Variants in ATXN10 observed in about 807,000 individuals in gnomAD.
The protein encoded by ATXN10 is ataxin 10.
In ATXN10, 28 loss-of-function variants were observed where a neutral mutation model predicts 52.9. That is an observed-to-expected ratio of 0.53 (90% confidence interval 0.39 to 0.73). The LOEUF is 0.73. ATXN10 is among the 30% of genes least tolerant of loss of function. ATXN10 has a pLI of 0.00. For synonymous variants in ATXN10, 226 were observed against 221.5 expected (o/e 1.02, Z -0.18); for missense variants, 565 against 577.0 (o/e 0.98, Z 0.21).
chr22:45,776,293 T>TA (rs1478273647), intron 9 of ATXN10, among the ~76,000 whole-genome samples: 14 of 152,220 alleles, frequency 9.2e-5, no homozygotes, highest in African/African-American at 3.4e-4. Flanking sequence ...AATCTTTTGA[T>TA]AGCACTTTCC....
chr22:45,795,123 C>CTA lies in ATXN10; in HGVS notation c.1174-11835_1174-11834dup, dbSNP rs1927662531. The stretch of plus-strand genomic sequence containing the variant: ...CTGCAACAAGGTAAAGATGTATACT[C>CTA]TAAACTCCAGTGCAACCACTTTTAG... On this transcript the variant is annotated intron_variant, in intron 9 of 11. Coordinates refer to ENST00000252934, the MANE Select transcript of ATXN10 (RefSeq NM_013236.4). The surrounding 1 kb of genome is among the most constrained non-coding windows in gnomAD (Gnocchi z 4.6). 6.6e-6 allele frequency among the ~76,000 whole-genome samples: 1 copy of CTA among 152,086 alleles called. No homozygotes were observed. The highest frequency in any genetic ancestry group is 2.4e-5 in the African/African-American group (1 of 41,388).
chr22:45,753,344 C>T (rs528316927), intron 9 of ATXN10, among the ~76,000 whole-genome samples: 33 of 131,168 alleles, frequency 2.5e-4, no homozygotes, highest in African/African-American at 8.9e-4. Flanking sequence ...TTCATCTCCT[C>T]GGGTCCTAGA....
rs1925126668 is a variant in ATXN10, at chr22:45,732,491, T to C, written c.894+2901T>C. On this transcript the variant is annotated intron_variant, in intron 7 of 11. Transcript: ENST00000252934. The surrounding 1 kb of genome is among the most constrained non-coding windows in gnomAD (Gnocchi z 4.5). ...AGAAAAAATTGTAGGCAGTTTTCTT[T>C]TGCAAAGCCAAATTAATTTACTTTT... 6.6e-6 allele frequency among the ~76,000 whole-genome samples: 1 copy of C among 151,980 alleles called. No homozygotes were observed. The highest frequency in any genetic ancestry group is 1.5e-5 in the Non-Finnish European group (1 of 68,004).
intron 9 of ATXN10, among the ~76,000 whole-genome samples, chr22:45,801,001 C>A (rs136012): frequency 0.81 from 123,729 of 152,180 alleles, 50,394 homozygotes; most frequent in Middle Eastern, 0.87. Context: ...TTGGCAGTTT[C>A]TGTAAATTAT....
chr22:45,779,355 C>G (rs1927067539), intron 9 of ATXN10, among the ~76,000 whole-genome samples: 1 of 152,188 alleles, frequency 6.6e-6, no homozygotes, highest in Admixed American at 6.5e-5. Flanking sequence ...TCACTGAAGG[C>G]ACTTTCCAGT....
intron 7 of ATXN10, 97 bp from the exon 8 acceptor site, chr22:45,738,634 A>G: frequency 1.9e-6 from 2 of 1,079,538 alleles, no homozygotes; most frequent in Non-Finnish European, 2.7e-6. Flanking sequence ...AGACTCTTTA[A>G]ATTTATTGAA....
chr22:45,682,241 T>A (rs1922952542), intron 1 of ATXN10, among the ~76,000 whole-genome samples: 1 of 152,204 alleles, frequency 6.6e-6, no homozygotes, highest in African/African-American at 2.4e-5. Flanking sequence ...ATATTTACTT[T>A]CAGAGTATTC....
intron 10 of ATXN10, among the ~76,000 whole-genome samples, chr22:45,831,114 C>T (rs556581185): frequency 2.0e-5 from 3 of 152,214 alleles, no homozygotes; most frequent in South Asian, 2.1e-4. Flanking sequence ...CCAGTCATAC[C>T]GTGTCAGCTT....
In ATXN10 at chr22:45,828,979, C is replaced by T. The variant is rs1928903933; in HGVS notation, c.1238-14012C>T. Among the ~76,000 whole-genome samples, 1 of 152,144 alleles carries T rather than the reference C, an allele frequency of 6.6e-6. No homozygotes were observed. The highest frequency in any genetic ancestry group is 1.5e-5 in the Non-Finnish European group (1 of 67,990). The stretch of plus-strand genomic sequence containing the variant: ...TACAAGAAAACTAAAGACCAACATC[C>T]TTTATGAACATGAATTTAACAGCAT... On this transcript the variant is annotated intron_variant, in intron 10 of 11. Transcript: ENST00000252934. This position sits in a 1 kb window ranked among gnomAD's most constrained non-coding sequence, Gnocchi z 4.5.
chr22:45,832,874 C>T (rs764212713), intron 10 of ATXN10, among the ~76,000 whole-genome samples: 1 of 152,162 alleles, frequency 6.6e-6, no homozygotes, highest in South Asian at 2.1e-4. Flanking sequence ...TAGAGAGATA[C>T]GCGTCAAGGG....
chr22:45,719,749 C>T (rs1325080402), intron 6 of ATXN10, among the ~76,000 whole-genome samples: 1 of 152,024 alleles, frequency 6.6e-6, no homozygotes, highest in Non-Finnish European at 1.5e-5. Flanking sequence ...CAGGTGCATC[C>T]TTACTTCATT....
In ATXN10 at chr22:45,693,001, T is replaced by C; in HGVS notation, c.314T>C (p.Leu105Ser). The C allele has an allele frequency of 6.2e-7, 1 of 1,614,074 alleles. No homozygotes were observed. ...CSVNQNSIRNLDTIGVAVDLI... is the reference protein window; with the variant it reads ...CSVNQNSIRNSDTIGVAVDLI... ...GTCTTTTTTAAAAAACCCAGGAACTTGGATACGATTGGTGTTGCTGTTGAT... is the reference window on the plus strand; with the variant it reads ...GTCTTTTTTAAAAAACCCAGGAACTCGGATACGATTGGTGTTGCTGTTGAT... Residue 105 changes from leucine to serine, a missense_variant, in exon 3 of 12, where the codon TTG (leucine) becomes TCG (serine). Coordinates refer to ENST00000252934, the MANE Select transcript of ATXN10 (RefSeq NM_013236.4).
chr22:45,703,540 C>T (rs539279389), intron 5 of ATXN10, among the ~76,000 whole-genome samples: 7 of 152,204 alleles, frequency 4.6e-5, no homozygotes, highest in African/African-American at 1.2e-4. Context: ...ATGTTTTAGG[C>T]GCACACACAG....
At chr22:45,740,258 C>T (rs1925457438) in intron 8 of ATXN10, 111 bp from the exon 9 acceptor site, 16 of 1,026,486 alleles carry the variant, frequency 1.6e-5, no homozygotes, top group Admixed American at 2.0e-5. Flanking sequence ...GCTTTCTGTG[C>T]TCTACCTTTA....
At position 45,764,402 on chromosome 22, in the gene ATXN10, C is replaced by T. The variant is rs147575653; in HGVS notation, c.1173+23864C>T. On this transcript the variant is annotated intron_variant, in intron 9 of 11. Coordinates refer to ENST00000252934, the MANE Select transcript of ATXN10 (RefSeq NM_013236.4). ...CTTCTGTTCTATAAAATGTTTACAACTCCCCTCCCTTCCCCATGAGTTTGA... is the reference window on the plus strand; with the variant it reads ...CTTCTGTTCTATAAAATGTTTACAATTCCCCTCCCTTCCCCATGAGTTTGA... 6.4e-4 allele frequency among the ~76,000 whole-genome samples: 97 copies of T among 152,282 alleles called. 3 individuals are homozygous for T. In the East Asian group the frequency reaches 0.016, roughly 25 times the overall value.
chr22:45,839,415 T>C (rs1418615892), intron 10 of ATXN10, among the ~76,000 whole-genome samples: 1 of 152,246 alleles, frequency 6.6e-6, no homozygotes, highest in Non-Finnish European at 1.5e-5. Context: ...GCCTGAAGCC[T>C]GGGGCTGCAG....
rs971963376 is a variant in ATXN10, at chr22:45,825,979, T to G, written c.1238-17012T>G. ...TGGGAGGCTGAGGTGGGAGGATGTC[T>G]TGAGCCCAGGAGGTGGAGGTTGCAA... On this transcript the variant is annotated intron_variant, in intron 10 of 11. Transcript: ENST00000252934. The surrounding 1 kb of genome is among the most constrained non-coding windows in gnomAD (Gnocchi z 4.5). Among the ~76,000 whole-genome samples, 5 of 152,098 alleles carry G rather than the reference T, an allele frequency of 3.3e-5. No homozygotes were observed. The highest frequency in any genetic ancestry group is 1.2e-4 in the African/African-American group (5 of 41,408).
At chr22:45,697,177 C>T (rs1390951265) in intron 3 of ATXN10, among the ~76,000 whole-genome samples, 1 of 152,084 alleles carries the variant, frequency 6.6e-6, no homozygotes, top group Non-Finnish European at 1.5e-5. Flanking sequence ...TCTCGTTGCC[C>T]AGGCTGGAGT....
At chr22:45,746,214 A>G (rs138177592) in intron 9 of ATXN10, among the ~76,000 whole-genome samples, 2 of 151,714 alleles carry the variant, frequency 1.3e-5, no homozygotes, top group East Asian at 1.9e-4. Context: ...AAACATTCAT[A>G]ACATGATCAA....
Sources: gnomAD v4.1 joint callset for allele counts (sites outside exome capture counted in the v4.1 genomes callset) on GRCh38, gnomAD v4.1.1 for gene constraint, Gnocchi (gnomAD v3.1) non-coding constraint, MANE v1.5 for transcripts, NCBI Gene and HGNC (gene_info 2026-07-23, HGNC 2026-07-21) for gene names.